ZBTB34: variants seen among roughly 807,000 people sequenced by gnomAD.
ZBTB34 encodes the protein zinc finger and BTB domain containing 34.
ZBTB34 carries 1 observed loss-of-function variant against 33.4 expected under a neutral mutation model. That is an observed-to-expected ratio of 0.03 (90% CI 0.01 to 0.14). ZBTB34 has a LOEUF of 0.14. Among genes scored for constraint, ZBTB34 ranks in the 10% least tolerant of loss-of-function variants. The probability of loss-of-function intolerance (pLI) is 1.00; values close to 1 mark genes in which losing one functional copy is unlikely to be tolerated. For missense variants in ZBTB34, 406 were observed against 657.2 expected (o/e 0.62, Z 4.18); for synonymous variants, 283 against 253.5 (o/e 1.12, Z -1.11).
intron 1 of ZBTB34, among the ~76,000 whole-genome samples, chr9:126,862,562 G>T (rs1298881564): frequency 6.6e-6 from 1 of 152,170 alleles, no homozygotes; most frequent in Non-Finnish European, 1.5e-5. Flanking sequence ...GGCTTCTTGG[G>T]TTTTGCTTCT....
chr9:126,884,641 C>G (rs556173278), exon 2 of ZBTB34: 1 of 167,182 alleles, frequency 6.0e-6, no homozygotes, highest in South Asian at 2.1e-4. Flanking sequence ...TCCCTTAGCC[C>G]AGACCATATA....
chr9:126,869,279 G>GT (rs2033248256), intron 1 of ZBTB34, among the ~76,000 whole-genome samples: 1 of 150,030 alleles, frequency 6.7e-6, no homozygotes. Context: ...GGGATAAGGG[G>GT]TTGTTGTATA....
intron 1 of ZBTB34, among the ~76,000 whole-genome samples, chr9:126,875,159 G>T (rs1342651605): frequency 6.6e-6 from 1 of 152,216 alleles, no homozygotes; most frequent in East Asian, 1.9e-4. Flanking sequence ...ATACACATCA[G>T]ATTTCAGAGA....
At chr9:126,874,649 C>T (rs2033330781) in intron 1 of ZBTB34, among the ~76,000 whole-genome samples, 2 of 152,118 alleles carry the variant, frequency 1.3e-5, no homozygotes, top group African/African-American at 4.8e-5. Context: ...CTGATTTCTA[C>T]CTTGACAATC....
At chr9:126,873,796 G>T (rs919127826) in intron 1 of ZBTB34, among the ~76,000 whole-genome samples, 3 of 151,346 alleles carry the variant, frequency 2.0e-5, no homozygotes, top group Admixed American at 6.6e-5. Flanking sequence ...GTAGAGACAG[G>T]GTTGCACCAG....
chr9:126,872,439 C>A (rs905562879), intron 1 of ZBTB34, among the ~76,000 whole-genome samples: 2 of 152,144 alleles, frequency 1.3e-5, no homozygotes, highest in African/African-American at 4.8e-5. Flanking sequence ...CAAAATTGAT[C>A]TAACTTAGGT....
At chr9:126,884,973 GTTATTTATTAAATT>G (rs2033500987) in exon 2 of ZBTB34, 1 of 166,946 alleles carries the variant, frequency 6.0e-6, no homozygotes, top group African/African-American at 2.4e-5. Context: ...ACTGGTCAGG[GTTATTTATTAAATT>G]TTATATATGA....
In ZBTB34 at chr9:126,880,019, G is replaced by A. The variant is rs1414788275; in HGVS notation, c.620G>A (p.Gly207Glu). Residue 207 changes from glycine to glutamate, a missense_variant, in exon 2 of 2, where the codon GGG (glycine) becomes GAG (glutamate). By Grantham distance (98) the Gly-to-Glu change is moderately conservative. Coordinates refer to ENST00000319119, the Ensembl canonical transcript of ZBTB34. The surrounding 1 kb of genome is among the most constrained non-coding windows in gnomAD (Gnocchi z 6.7). ...CAGGAGGAGGGGCACTCAGACCGCG[G>A]GAGCAGTGGGAGCGTTTCTGAATAT... 1 of 1,613,558 alleles carries A rather than the reference G, an allele frequency of 6.2e-7. No homozygotes were observed. Among genetic ancestry groups the A allele is most frequent in the Admixed American group, 1.7e-5 (1 of 59,986 alleles).
At chr9:126,867,165 T>C (rs1186980253) in intron 1 of ZBTB34, among the ~76,000 whole-genome samples, 2 of 151,614 alleles carry the variant, frequency 1.3e-5, no homozygotes, top group South Asian at 2.1e-4. Context: ...GAAAAATTCT[T>C]AGTGGTTGTT....
At chr9:126,875,105 G>A (rs534271279) in intron 1 of ZBTB34, among the ~76,000 whole-genome samples, 19 of 152,172 alleles carry the variant, frequency 1.2e-4, no homozygotes, top group Non-Finnish European at 2.2e-4. Flanking sequence ...ACTGTTGAGC[G>A]CATGGAATGT....
At chr9:126,864,234 G>T (rs904884920) in intron 1 of ZBTB34, among the ~76,000 whole-genome samples, 3 of 152,188 alleles carry the variant, frequency 2.0e-5, no homozygotes, top group Non-Finnish European at 2.9e-5. Context: ...GAGTGACCTT[G>T]GGTAAGTTTC....
At chr9:126,877,771 G>A (rs763262176) in intron 1 of ZBTB34, among the ~76,000 whole-genome samples, 2 of 152,192 alleles carry the variant, frequency 1.3e-5, no homozygotes, top group Admixed American at 6.5e-5. Context: ...TTGGGAGGCC[G>A]TGGCAGGCAG....
At chr9:126,861,857 C>T (rs1326963006) in intron 1 of ZBTB34, among the ~76,000 whole-genome samples, 2 of 151,844 alleles carry the variant, frequency 1.3e-5, no homozygotes, top group African/African-American at 4.9e-5. Flanking sequence ...TCCAGAGGTT[C>T]CCCCCTCCCC....
chr9:126,866,550 C>G (rs745636511), intron 1 of ZBTB34, among the ~76,000 whole-genome samples: 2 of 151,956 alleles, frequency 1.3e-5, no homozygotes, highest in Non-Finnish European at 2.9e-5. Flanking sequence ...AGGCCTTGTT[C>G]AAAAATATCT....
chr9:126,864,814 A>G (rs886827353), intron 1 of ZBTB34, among the ~76,000 whole-genome samples: 3 of 152,180 alleles, frequency 2.0e-5, no homozygotes, highest in South Asian at 2.1e-4. Context: ...TTATTTTTAT[A>G]TAATTGTTAC....
chr9:126,882,752 GC>G (rs2033460304), exon 2 of ZBTB34: 1 of 167,058 alleles, frequency 6.0e-6, no homozygotes, highest in South Asian at 2.1e-4. Flanking sequence ...GGTTTTCTGT[GC>G]TTTTTTGGCT....
intron 1 of ZBTB34, among the ~76,000 whole-genome samples, chr9:126,868,502 T>G (rs76663743): frequency 0.015 from 2,229 of 152,258 alleles, 56 homozygotes; most frequent in East Asian, 0.1. Flanking sequence ...TGTGTGAGTG[T>G]CCTCCTGCTC....
chr9:126,863,083 A>G (rs923654504), intron 1 of ZBTB34, among the ~76,000 whole-genome samples: 11 of 152,212 alleles, frequency 7.2e-5, no homozygotes, highest in African/African-American at 2.4e-4. Flanking sequence ...ATCATGGGAA[A>G]AGGTAAAAGT....
chr9:126,879,223 G>T lies in ZBTB34; in HGVS notation c.-10-167G>T. The T allele has an allele frequency of 1.8e-6, 1 of 564,838 alleles. No homozygotes were observed. 35.0% of individuals were successfully genotyped at this position (564,838 alleles called of 1,614,324 possible). A position where few individuals can be genotyped will look rare whatever the true frequency, so the allele number is the denominator to read the frequency against. On this transcript the variant is annotated intron_variant, in intron 1 of 1. Transcript: ENST00000319119. The surrounding 1 kb of genome is among the most constrained non-coding windows in gnomAD (Gnocchi z 6.4). ...TTGATCATTAGTTTATTTGGCTTTA[G>T]GTGAATTAACCAAAACATGAAAGAC...
Sources: gnomAD v4.1 joint callset for allele counts (sites outside exome capture counted in the v4.1 genomes callset) on GRCh38, gnomAD v4.1.1 for gene constraint, Gnocchi (gnomAD v3.1) non-coding constraint, MANE v1.5 for transcripts, NCBI Gene and HGNC (gene_info 2026-07-23, HGNC 2026-07-21) for gene names.